EYS: variants seen among roughly 807,000 people sequenced by gnomAD.
EYS encodes EGF-like photoreceptor maintenance factor, also known as protein eyes shut homolog.
In EYS, 250 loss-of-function variants were observed where a neutral mutation model predicts 282.1. The observed-to-expected ratio is 0.89, with a 90% CI of 0.80 to 0.98. EYS has a LOEUF of 0.98. Among genes scored for constraint, EYS ranks in the 50% least tolerant of loss-of-function variants. EYS has a pLI of 0.00. For synonymous variants in EYS, 1,355 were observed against 1,282.9 expected (o/e 1.06, Z -1.20); for missense variants, 4,016 against 3,709.0 (o/e 1.08, Z -2.15).
intron 12 of EYS, among the ~76,000 whole-genome samples, chr6:65,116,274 C>T (rs1775371525): frequency 6.6e-6 from 1 of 152,152 alleles, no homozygotes; most frequent in African/African-American, 2.4e-5. Context: ...GCACCCTCCT[C>T]TTTTACCCAC....
intron 34 of EYS, 35 bp from the exon 35 acceptor site, chr6:63,984,638 T>C (rs1767271164): frequency 7.1e-7 from 1 of 1,398,648 alleles, no homozygotes; most frequent in Non-Finnish European, 9.9e-7. Flanking sequence ...ATATTATAGG[T>C]TGTTGTCAGA....
intron 31 of EYS, among the ~76,000 whole-genome samples, chr6:64,125,798 A>G (rs1773764360): frequency 2.0e-5 from 3 of 151,392 alleles, no homozygotes; most frequent in Non-Finnish European, 4.4e-5. Flanking sequence ...AAAAAAAAAA[A>G]AAAAAAAAAA....
chr6:64,964,177 G>A (rs919720460), intron 14 of EYS, among the ~76,000 whole-genome samples: 1 of 151,876 alleles, frequency 6.6e-6, no homozygotes, highest in African/African-American at 2.4e-5. Context: ...GATAAAAGTA[G>A]CTCAAATTTT....
intron 11 of EYS, among the ~76,000 whole-genome samples, chr6:65,317,896 C>G (rs913131042): frequency 7.6e-6 from 1 of 132,144 alleles, no homozygotes; most frequent in African/African-American, 2.9e-5. Flanking sequence ...CAGACAGAGT[C>G]TCCCTCTGTT....
chr6:64,005,516 T>C (rs1215501658), intron 33 of EYS, among the ~76,000 whole-genome samples: 1 of 152,232 alleles, frequency 6.6e-6, no homozygotes, highest in African/African-American at 2.4e-5. Flanking sequence ...CTATTGCTTT[T>C]GGTGTCTTTG....
intron 5 of EYS, among the ~76,000 whole-genome samples, chr6:65,472,267 CT>C (rs1765243911): frequency 6.6e-6 from 1 of 152,002 alleles, no homozygotes; most frequent in Non-Finnish European, 1.5e-5. Context: ...CCATTTATGT[CT>C]GGTAAACATA....
At chr6:63,730,716 G>C (rs541398085) in intron 41 of EYS, among the ~76,000 whole-genome samples, 145 of 152,264 alleles carry the variant, frequency 9.5e-4, no homozygotes, top group African/African-American at 3.2e-3. Context: ...CATGTTTTGA[G>C]TTGCTTGAAA....
At chr6:65,685,401 T>A (rs1232365194) in intron 1 of EYS, among the ~76,000 whole-genome samples, 2 of 152,060 alleles carry the variant, frequency 1.3e-5, no homozygotes, top group Non-Finnish European at 2.9e-5. Flanking sequence ...TTTGTTTATA[T>A]AAACTAGACA....
At chr6:65,189,637 A>G (rs1229612279) in intron 12 of EYS, among the ~76,000 whole-genome samples, 1 of 151,804 alleles carries the variant, frequency 6.6e-6, no homozygotes, top group East Asian at 1.9e-4. Context: ...ACAGCAGCGT[A>G]TACTAGAAAT....
intron 26 of EYS, among the ~76,000 whole-genome samples, chr6:64,538,842 A>G (rs953573009): frequency 6.6e-6 from 1 of 152,198 alleles, no homozygotes; most frequent in Non-Finnish European, 1.5e-5. Context: ...TAGAACTAGG[A>G]TTATAAAACA....
chr6:64,806,094 T>G (rs1192147603), intron 22 of EYS, among the ~76,000 whole-genome samples: 1 of 151,834 alleles, frequency 6.6e-6, no homozygotes, highest in Non-Finnish European at 1.5e-5. Context: ...GTTTTAAATT[T>G]GAATCTCTCC....
chr6:63,996,990 T>C (rs1428599768), intron 34 of EYS, among the ~76,000 whole-genome samples: 1 of 152,228 alleles, frequency 6.6e-6, no homozygotes, highest in Non-Finnish European at 1.5e-5. Flanking sequence ...TTTGGGTTTA[T>C]GTACTGAAAA....
At chr6:65,642,501 G>T (rs1375041219) in intron 1 of EYS, among the ~76,000 whole-genome samples, 1 of 150,162 alleles carries the variant, frequency 6.7e-6, no homozygotes, top group Non-Finnish European at 1.5e-5. Context: ...TTTAAAATTG[G>T]GCTACAATTC....
intron 31 of EYS, among the ~76,000 whole-genome samples, chr6:64,129,704 C>T (rs1007690123): frequency 1.3e-4 from 19 of 151,428 alleles, no homozygotes; most frequent in Non-Finnish European, 2.5e-4. Context: ...AAGTCCTTGT[C>T]CATGCCTATG....
rs564791954 is a variant in EYS at position 65,283,303 on chromosome 6, C to T, written c.2023+12560G>A. The stretch of plus-strand genomic sequence containing the variant: ...ATTTTTATTTTAAAAAATATTTCAG[C>T]TCATGATGTTAAACCAGATACATTG... On this transcript the variant is annotated intron_variant, in intron 12 of 42. Transcript: ENST00000503581. 6.8e-3 allele frequency among the ~76,000 whole-genome samples: 1,034 copies of T among 151,894 alleles called. 18 individuals are homozygous for T. Among genetic ancestry groups the T allele is most frequent in the African/African-American group, 0.024 (993 of 41,520 alleles).
chr6:63,992,344 A>G (rs552220587), intron 34 of EYS, among the ~76,000 whole-genome samples: 1 of 151,796 alleles, frequency 6.6e-6, no homozygotes, highest in African/African-American at 2.4e-5. Context: ...TTTTAGATAC[A>G]AGGGGTACAT....
At chr6:64,479,545 A>G (rs932743177) in intron 26 of EYS, among the ~76,000 whole-genome samples, 9 of 152,000 alleles carry the variant, frequency 5.9e-5, no homozygotes, top group African/African-American at 2.2e-4. Context: ...CTGAACTATA[A>G]ATGCTTGGCT....
chr6:64,470,100 A>G (rs1459585607), intron 26 of EYS, among the ~76,000 whole-genome samples: 1 of 151,818 alleles, frequency 6.6e-6, no homozygotes, highest in Non-Finnish European at 1.5e-5. Flanking sequence ...CTTGTATCCA[A>G]TAAATATCAG....
At chr6:63,970,230 A>G (rs1766496179) in intron 35 of EYS, among the ~76,000 whole-genome samples, 1 of 152,208 alleles carries the variant, frequency 6.6e-6, no homozygotes. Context: ...GAATTTTCAG[A>G]TGACCACTTC....
Sources: allele counts gnomAD v4.1 joint callset (sites outside exome capture counted in the v4.1 genomes callset), GRCh38; gene constraint gnomAD v4.1.1; transcripts MANE v1.5; gene names NCBI Gene and HGNC (gene_info 2026-07-23, HGNC 2026-07-21).